Variants in OPRM1 observed in about 807,000 individuals in gnomAD.
OPRM1 encodes opioid receptor mu 1.
In OPRM1, 27 loss-of-function variants were observed where a neutral mutation model predicts 31.8. That is an observed-to-expected ratio of 0.85 (90% CI 0.63 to 1.17). The LOEUF (loss-of-function observed/expected upper bound fraction) is 1.17, where lower values mean the gene tolerates loss of function less well. Ranked by LOEUF, OPRM1 falls within the 50% of genes most tolerant of loss-of-function variation. The pLI, the probability that OPRM1 is intolerant of heterozygous loss-of-function variation, is 0.00. For missense variants in OPRM1, 536 were observed against 511.1 expected, an observed-to-expected ratio of 1.05 and a Z score of -0.47; for synonymous variants, 196 against 189.9, an observed-to-expected ratio of 1.03 and a Z score of -0.26.
chr6:154,049,276 AC>A (rs1054168679), intron 1 of OPRM1, among the ~76,000 whole-genome samples: 1 of 152,148 alleles, frequency 6.6e-6, no homozygotes, highest in Non-Finnish European at 1.5e-5. Context: ...TGAAGTCACC[AC>A]CACCACCAAC....
intron 1 of OPRM1, among the ~76,000 whole-genome samples, chr6:154,065,282 T>A (rs1785168539): frequency 6.6e-6 from 1 of 151,944 alleles, no homozygotes; most frequent in African/African-American, 2.4e-5. Flanking sequence ...CCCAAGTAGC[T>A]GGGACTACAG....
At chr6:154,176,701 T>C (rs535768019) in intron 3 of OPRM1, among the ~76,000 whole-genome samples, 33 of 152,324 alleles carry the variant, frequency 2.2e-4, no homozygotes, top group Middle Eastern at 3.4e-3. Flanking sequence ...CATTCCATGC[T>C]CATGGATAGG....
chr6:154,133,518 C>T (rs1320315795), downstream of OPRM1, among the ~76,000 whole-genome samples: 24 of 152,210 alleles, frequency 1.6e-4, no homozygotes, highest in Admixed American at 1.6e-3. Flanking sequence ...CATATGCATG[C>T]ATTTGTCTGG....
intron 3 of OPRM1, among the ~76,000 whole-genome samples, chr6:154,117,635 G>A (rs1363534301): frequency 3.9e-5 from 6 of 152,066 alleles, no homozygotes; most frequent in Non-Finnish European, 5.9e-5. Flanking sequence ...TGCTGTGCTC[G>A]CCTGTGCTTT....
At chr6:154,047,969 G>A (rs1223473341) in intron 1 of OPRM1, among the ~76,000 whole-genome samples, 2 of 152,124 alleles carry the variant, frequency 1.3e-5, no homozygotes, top group African/African-American at 2.4e-5. Context: ...AGGCAAAGAG[G>A]CAAGGAAGCT....
chr6:154,125,789 A>ATTTTTT lies in OPRM1; in HGVS notation c.*7094_*7099dup, dbSNP rs543695202. Among the ~76,000 whole-genome samples, 1 of 21,392 alleles carries ATTTTTT rather than the reference A, an allele frequency of 4.7e-5. No individual in the cohort carries two copies. The highest frequency in any genetic ancestry group is 1.1e-4 in the Non-Finnish European group (1 of 9,096). The allele number at this position is 21,392 out of a possible 152,430, so 14.0% of individuals were successfully genotyped here. On this transcript the variant is annotated 3_prime_UTR_variant, in exon 4 of 4. Transcript: ENST00000330432. Reference sequence around the variant, plus strand: ...TTTGCATTGCCCACTAAGGCTAGACATTTTTTTTTTTTTTTTTTTTTTTTT... The same window carrying ATTTTTT: ...TTTGCATTGCCCACTAAGGCTAGACATTTTTTTTTTTTTTTTTTTTTTTTTTTTTTT...
chr6:154,200,069 G>C (rs779256570), intron 3 of OPRM1: 2 of 1,556,024 alleles, frequency 1.3e-6, no homozygotes, highest in Middle Eastern at 1.7e-4. Flanking sequence ...ACCAAAAAAA[G>C]AATAAAAGAC....
At chr6:154,153,678 C>CT (rs1426211167) in intron 3 of OPRM1, among the ~76,000 whole-genome samples, 4 of 139,402 alleles carry the variant, frequency 2.9e-5, no homozygotes, top group Non-Finnish European at 4.6e-5. Flanking sequence ...GAGTGAAACT[C>CT]TATCTCAAAA....
upstream of OPRM1, chr6:154,039,099 A>G (rs1779506915): frequency 6.8e-7 from 1 of 1,481,224 alleles, no homozygotes; most frequent in Non-Finnish European, 9.0e-7. Flanking sequence ...CTTATTTTTC[A>G]CTGCTACCAA....
chr6:154,226,670 A>T (rs1779276785), intron 3 of OPRM1, among the ~76,000 whole-genome samples: 1 of 152,154 alleles, frequency 6.6e-6, no homozygotes. Flanking sequence ...CATCAAATTT[A>T]GTGTCCAAAT....
At chr6:154,167,851 C>T (rs1048610788) in intron 3 of OPRM1, 16 of 1,180,186 alleles carry the variant, frequency 1.4e-5, no homozygotes, top group Non-Finnish European at 1.6e-5. Flanking sequence ...TAGCAAGAAT[C>T]TCTCTGCAGA....
At chr6:154,200,791 C>T (rs1042690493) in intron 3 of OPRM1, among the ~76,000 whole-genome samples, 4 of 152,094 alleles carry the variant, frequency 2.6e-5, no homozygotes, top group Admixed American at 6.5e-5. Flanking sequence ...CCTTGAATAT[C>T]GCTCACATAC....
At chr6:154,082,919 A>G (rs1789503263) in intron 1 of OPRM1, among the ~76,000 whole-genome samples, 1 of 152,224 alleles carries the variant, frequency 6.6e-6, no homozygotes, top group African/African-American at 2.4e-5. Flanking sequence ...TATATATGTC[A>G]GAGAATATAA....
At chr6:154,133,541 G>T (rs1423955453), downstream of OPRM1, among the ~76,000 whole-genome samples, 1 of 152,196 alleles carries the variant, frequency 6.6e-6, no homozygotes, top group African/African-American at 2.4e-5. Flanking sequence ...TATTTATCTA[G>T]AAATTGAATT....
In OPRM1 at chr6:154,118,937, C is replaced by T. The variant is rs915525700; in HGVS notation, c.*216C>T. On this transcript the variant is annotated 3_prime_UTR_variant, in exon 4 of 4. Transcript: ENST00000330432. ...TTGGAAGGAAAGGAATATACCACAC[C>T]GAGGAGTCCAGTTTGTGCAAGACAC... 1.5e-5 allele frequency: 19 copies of T among 1,306,760 alleles called. No homozygotes were observed. The highest frequency in any genetic ancestry group is 7.2e-5 in the South Asian group (3 of 41,736). The allele number at this position is 1,306,760 out of a possible 1,614,324, so 80.9% of individuals were successfully genotyped here.
At position 154,130,943 on chromosome 6, in the gene OPRM1, T is replaced by G. The variant is rs141610017; in HGVS notation, c.*12222T>G. ...AATGAGTGATCTTGTTGTTTTCATT[T>G]TATTATGTTATATGAAAAAAAGAAA... On this transcript the variant is annotated 3_prime_UTR_variant, in exon 4 of 4. Transcript: ENST00000330432. Among the ~76,000 whole-genome samples the G allele has an allele frequency of 0.01, 1,591 of 152,228 alleles. 36 individuals are homozygous for G. The highest frequency in any genetic ancestry group is 0.035 in the African/African-American group (1,461 of 41,562).
intron 3 of OPRM1, among the ~76,000 whole-genome samples, chr6:154,186,531 G>C (rs1201665790): frequency 6.6e-6 from 1 of 152,046 alleles, no homozygotes; most frequent in Non-Finnish European, 1.5e-5. Context: ...TCCGTGCACG[G>C]AGCCAGAGCA....
intron 1 of OPRM1, among the ~76,000 whole-genome samples, chr6:154,066,525 C>A (rs1019527966): frequency 2.6e-5 from 4 of 151,494 alleles, no homozygotes; most frequent in Non-Finnish European, 4.4e-5. Context: ...CCATCCCCCC[C>A]AAAAAAAATC....
intron 3 of OPRM1, among the ~76,000 whole-genome samples, chr6:154,184,211 T>C (rs1237659428): frequency 1.3e-5 from 2 of 151,964 alleles, no homozygotes; most frequent in Non-Finnish European, 2.9e-5. Flanking sequence ...AAAAAATAGC[T>C]GTATCAGCTA....
Sources: allele counts gnomAD v4.1 joint callset (sites outside exome capture counted in the v4.1 genomes callset), GRCh38; gene constraint gnomAD v4.1.1; transcripts MANE v1.5; gene names NCBI Gene and HGNC (gene_info 2026-07-23, HGNC 2026-07-21).